The following SCFD2 variants were observed in gnomAD, a reference collection of about 807,000 sequenced individuals.
SCFD2 encodes the protein sec1 family domain-containing protein 2.
Under a neutral mutation model 58.9 loss-of-function variants are expected in SCFD2, and 54 were observed. The observed-to-expected ratio is 0.92, with a 90% CI of 0.74 to 1.15. The LOEUF (loss-of-function observed/expected upper bound fraction) is 1.15, where lower values mean the gene tolerates loss of function less well. SCFD2 is among the 50% of genes most tolerant of loss of function. The pLI is 0.00. For synonymous variants in SCFD2, 321 were observed against 335.9 expected (o/e 0.96, Z 0.49); for missense variants, 805 against 836.6 (o/e 0.96, Z 0.47).
intron 2 of SCFD2, among the ~76,000 whole-genome samples, chr4:53,322,599 T>C (rs1733060408): frequency 6.6e-6 from 1 of 152,200 alleles, no homozygotes; most frequent in Admixed American, 6.5e-5. Flanking sequence ...TAATTTCCTC[T>C]TAGAAAACAG....
chr4:53,052,151 A>G (rs1723205261), intron 5 of SCFD2, among the ~76,000 whole-genome samples: 1 of 152,046 alleles, frequency 6.6e-6, no homozygotes, highest in Admixed American at 6.5e-5. Flanking sequence ...CTGCAAGACC[A>G]CACATGATTA....
At chr4:53,322,088 T>C (rs369970443) in intron 2 of SCFD2, among the ~76,000 whole-genome samples, 110 of 152,298 alleles carry the variant, frequency 7.2e-4, no homozygotes, top group Non-Finnish European at 1.5e-3. Context: ...CAACTCCATC[T>C]TGAATAAGGA....
chr4:52,960,503 G>C (rs530285328), intron 5 of SCFD2, among the ~76,000 whole-genome samples: 1 of 152,042 alleles, frequency 6.6e-6, no homozygotes, highest in South Asian at 2.1e-4. Flanking sequence ...CGAGTAGCTA[G>C]GATTATAGGC....
chr4:53,007,363 G>A (rs1429028984), intron 5 of SCFD2, among the ~76,000 whole-genome samples: 1 of 72,206 alleles, frequency 1.4e-5, no homozygotes, highest in East Asian at 3.8e-4. Context: ...AAAAGAAAGA[G>A]AGAAAGAAGG....
At chr4:53,268,391 C>A (rs1173855206) in intron 4 of SCFD2, among the ~76,000 whole-genome samples, 2 of 151,976 alleles carry the variant, frequency 1.3e-5, no homozygotes, top group African/African-American at 2.4e-5. Flanking sequence ...GATGGGGAGA[C>A]TAGAGGAGAG....
At chr4:53,269,247 C>T (rs1731086488) in intron 4 of SCFD2, among the ~76,000 whole-genome samples, 1 of 152,070 alleles carries the variant, frequency 6.6e-6, no homozygotes, top group Non-Finnish European at 1.5e-5. Context: ...ATCACTTGAG[C>T]CCGGGATGTC....
At chr4:53,171,037 C>G (rs975551672) in intron 4 of SCFD2, among the ~76,000 whole-genome samples, 2 of 152,144 alleles carry the variant, frequency 1.3e-5, no homozygotes, top group African/African-American at 4.8e-5. Flanking sequence ...TCTAATTGAT[C>G]TGATAAGGAC....
chr4:53,131,292 G>A (rs1226438944), intron 5 of SCFD2, among the ~76,000 whole-genome samples: 4 of 152,150 alleles, frequency 2.6e-5, no homozygotes, highest in South Asian at 2.1e-4. Context: ...AGGATGAATC[G>A]GTGGGTATGC....
intron 4 of SCFD2, among the ~76,000 whole-genome samples, chr4:53,217,698 C>G (rs932619414): frequency 3.9e-5 from 6 of 152,106 alleles, no homozygotes; most frequent in South Asian, 2.1e-4. Flanking sequence ...ATGTTAGCTG[C>G]TTATTTTGCT....
At chr4:53,240,177 T>A (rs1406799198) in intron 4 of SCFD2, among the ~76,000 whole-genome samples, 1 of 152,202 alleles carries the variant, frequency 6.6e-6, no homozygotes, top group Admixed American at 6.5e-5. Flanking sequence ...CAGAAAGATA[T>A]GAAGTCGGGC....
At chr4:53,259,322 TG>T (rs1730755841) in intron 4 of SCFD2, among the ~76,000 whole-genome samples, 1 of 152,172 alleles carries the variant, frequency 6.6e-6, no homozygotes, top group African/African-American at 2.4e-5. Flanking sequence ...GTTTGTCCGA[TG>T]TTATCTTCTA....
intron 4 of SCFD2, among the ~76,000 whole-genome samples, chr4:53,244,936 C>T (rs1019081318): frequency 5.6e-4 from 85 of 150,680 alleles, no homozygotes; most frequent in African/African-American, 2.0e-3. Context: ...TTACCACTCA[C>T]CCCACAGAAA....
chr4:52,980,669 G>A (rs777712876), intron 5 of SCFD2, among the ~76,000 whole-genome samples: 3 of 152,104 alleles, frequency 2.0e-5, no homozygotes, highest in Non-Finnish European at 4.4e-5. Context: ...TTTCCCCAAA[G>A]GACACTGCTG....
chr4:53,066,281 G>A (rs1723660860), intron 5 of SCFD2, among the ~76,000 whole-genome samples: 2 of 152,042 alleles, frequency 1.3e-5, no homozygotes, highest in Admixed American at 6.6e-5. Flanking sequence ...AACATTAAGC[G>A]AAATTAAAAA....
intron 5 of SCFD2, among the ~76,000 whole-genome samples, chr4:52,979,962 C>T (rs1473846019): frequency 6.6e-6 from 1 of 152,138 alleles, no homozygotes; most frequent in Non-Finnish European, 1.5e-5. Context: ...CTCTGGATTA[C>T]CTCTTGTCTT....
At chr4:53,176,776 C>T (rs1462098834) in intron 4 of SCFD2, among the ~76,000 whole-genome samples, 1 of 151,932 alleles carries the variant, frequency 6.6e-6, no homozygotes, top group Non-Finnish European at 1.5e-5. Flanking sequence ...TGGTGAAATC[C>T]CATCTCTACT....
intron 3 of SCFD2, among the ~76,000 whole-genome samples, chr4:53,294,683 C>T (rs181287760): frequency 0.014 from 2,075 of 152,222 alleles, 43 homozygotes; most frequent in African/African-American, 0.046. Context: ...GTTGCCATTG[C>T]TTTTGGTGTT....
intron 2 of SCFD2, among the ~76,000 whole-genome samples, chr4:53,331,296 T>C (rs1310913265): frequency 1.8e-4 from 27 of 150,284 alleles, no homozygotes; most frequent in African/African-American, 5.4e-4. Flanking sequence ...AATATACATT[T>C]TTTTCAGCAC....
intron 3 of SCFD2, among the ~76,000 whole-genome samples, chr4:53,303,654 T>A (rs913655035): frequency 2.6e-5 from 4 of 152,094 alleles, no homozygotes; most frequent in Admixed American, 1.3e-4. Context: ...CATGCACATG[T>A]ATGTTTATTG....
Sources: gnomAD v4.1 joint callset for allele counts (sites outside exome capture counted in the v4.1 genomes callset) on GRCh38, gnomAD v4.1.1 for gene constraint, MANE v1.5 for transcripts, NCBI Gene and HGNC (gene_info 2026-07-23, HGNC 2026-07-21) for gene names.